Variants in ADAMTSL1 observed in about 807,000 individuals in gnomAD.
The protein encoded by ADAMTSL1 is ADAMTS like 1.
In ADAMTSL1, 126 loss-of-function variants were observed where a neutral mutation model predicts 201.8. That is an observed-to-expected ratio of 0.62 (90% CI 0.54 to 0.72). The LOEUF is 0.72. Among genes scored for constraint, ADAMTSL1 ranks in the 30% least tolerant of loss-of-function variants. The pLI, the probability that ADAMTSL1 is intolerant of heterozygous loss-of-function variation, is 0.00. For missense variants in ADAMTSL1, 2,679 were observed against 2,277.8 expected (o/e 1.18, Z -3.59); for synonymous variants, 1,121 against 903.4 (o/e 1.24, Z -4.32).
chr9:18,199,802 A>G (rs925748289), intron 2 of ADAMTSL1, among the ~76,000 whole-genome samples: 1 of 152,110 alleles, frequency 6.6e-6, no homozygotes, highest in Non-Finnish European at 1.5e-5. Context: ...CATTATTGGT[A>G]AAATGTGTGT....
intron 1 of ADAMTSL1, among the ~76,000 whole-genome samples, chr9:18,027,083 T>C (rs1434476428): frequency 6.6e-6 from 1 of 151,818 alleles, no homozygotes; most frequent in Non-Finnish European, 1.5e-5. Context: ...ATTGTGCTAT[T>C]TAGGTCTTCT....
chr9:18,051,849 A>C (rs1458890224), intron 1 of ADAMTSL1, among the ~76,000 whole-genome samples: 2 of 152,210 alleles, frequency 1.3e-5, no homozygotes, highest in South Asian at 4.1e-4. Context: ...GACAAAAAAA[A>C]GTAGGTGACC....
At chr9:18,364,597 T>C (rs1386807255) in intron 2 of ADAMTSL1, among the ~76,000 whole-genome samples, 1 of 152,092 alleles carries the variant, frequency 6.6e-6, no homozygotes, top group Non-Finnish European at 1.5e-5. Context: ...CCTCACAGAA[T>C]ATTGGAATTA....
chr9:18,864,840 T>C (rs1342314805), intron 23 of ADAMTSL1, among the ~76,000 whole-genome samples: 1 of 152,234 alleles, frequency 6.6e-6, no homozygotes, highest in African/African-American at 2.4e-5. Flanking sequence ...CTGGAGGCCA[T>C]TGATTCTGTC....
chr9:18,608,180 G>A (rs1459080267), intron 4 of ADAMTSL1, among the ~76,000 whole-genome samples: 1 of 152,084 alleles, frequency 6.6e-6, no homozygotes, highest in African/African-American at 2.4e-5. Flanking sequence ...TACTTTTAAG[G>A]GGATTTGAAG....
At chr9:17,920,573 C>A (rs559350147) in intron 1 of ADAMTSL1, among the ~76,000 whole-genome samples, 1 of 152,130 alleles carries the variant, frequency 6.6e-6, no homozygotes. Context: ...GGCATCACCG[C>A]GTTCTCTTTT....
chr9:18,318,576 C>A (rs181754392), intron 2 of ADAMTSL1, among the ~76,000 whole-genome samples: 118 of 152,308 alleles, frequency 7.7e-4, no homozygotes, highest in Non-Finnish European at 1.1e-3. Context: ...CTAATTCTTT[C>A]TGAACCACTG....
chr9:18,556,926 T>G (rs1017347198), intron 3 of ADAMTSL1, among the ~76,000 whole-genome samples: 1 of 152,048 alleles, frequency 6.6e-6, no homozygotes, highest in Admixed American at 6.6e-5. Context: ...TGAAGCTTTT[T>G]GAGACCTGAA....
intron 13 of ADAMTSL1, among the ~76,000 whole-genome samples, chr9:18,690,747 A>G (rs962069797): frequency 6.6e-6 from 1 of 152,148 alleles, no homozygotes; most frequent in Non-Finnish European, 1.5e-5. Context: ...TTCCCCTCCA[A>G]TAGTCTTGAC....
intron 23 of ADAMTSL1, among the ~76,000 whole-genome samples, chr9:18,833,776 T>C (rs542442475): frequency 5.9e-5 from 9 of 152,340 alleles, no homozygotes; most frequent in Admixed American, 2.0e-4. Context: ...GCCTATGTTC[T>C]GAATGGCAAT....
chr9:18,629,506 T>G (rs1267090110), intron 5 of ADAMTSL1, among the ~76,000 whole-genome samples: 2 of 152,200 alleles, frequency 1.3e-5, no homozygotes, highest in African/African-American at 2.4e-5. Flanking sequence ...CAAAGTCCTG[T>G]GGTTTTTCTT....
At chr9:18,474,763 G>A (rs1421722277) in intron 1 of ADAMTSL1, among the ~76,000 whole-genome samples, 2 of 152,130 alleles carry the variant, frequency 1.3e-5, no homozygotes, top group African/African-American at 2.4e-5. Context: ...CAGGTAAAGA[G>A]GGGAATGAGA....
chr9:18,777,074 G>A lies in ADAMTSL1; in HGVS notation c.2845G>A (p.Ala949Thr), dbSNP rs1427913983. The change falls in exon 19 of 29, where the codon GCG (alanine) becomes ACG (threonine). Residue 949 changes from alanine to threonine, a missense_variant. Ala to Thr is a moderately conservative substitution (Grantham distance 58). Transcript: ENST00000380548. ...PSDAGVYTCS[A>T]GPAREHFVIK... ...GGATGCAGGCGTCTACACCTGCTCAGCGGGCCCGGCCCGGGAGCACTTTGT... is the reference window on the plus strand; with the variant it reads ...GGATGCAGGCGTCTACACCTGCTCAACGGGCCCGGCCCGGGAGCACTTTGT... 1 of 1,613,302 alleles carries A rather than the reference G, an allele frequency of 6.2e-7. No homozygotes were observed. Among genetic ancestry groups the A allele is most frequent in the Non-Finnish European group, 8.5e-7 (1 of 1,179,804 alleles).
chr9:18,844,211 T>G (rs996885760), intron 23 of ADAMTSL1, among the ~76,000 whole-genome samples: 4 of 152,206 alleles, frequency 2.6e-5, no homozygotes, highest in African/African-American at 9.7e-5. Flanking sequence ...AGATGGGTTT[T>G]TGGTGTGGAT....
At chr9:18,565,429 A>G (rs1442081746) in intron 3 of ADAMTSL1, among the ~76,000 whole-genome samples, 1 of 152,206 alleles carries the variant, frequency 6.6e-6, no homozygotes, top group Non-Finnish European at 1.5e-5. Flanking sequence ...TTATTTTCCA[A>G]AAGACTTGAG....
chr9:18,586,256 T>C (rs1564070092), intron 4 of ADAMTSL1, among the ~76,000 whole-genome samples: 1 of 152,146 alleles, frequency 6.6e-6, no homozygotes, highest in Admixed American at 6.6e-5. Context: ...GGATATAAAA[T>C]CATTGTACAA....
At chr9:18,171,330 T>C (rs1039887580) in intron 2 of ADAMTSL1, among the ~76,000 whole-genome samples, 5 of 152,076 alleles carry the variant, frequency 3.3e-5, no homozygotes, top group African/African-American at 4.8e-5. Context: ...GTGAAAAGCA[T>C]GACCTTAAAA....
rs374811850 is a variant in ADAMTSL1, at chr9:17,947,345, A to ACCCC, written c.87+40424_87+40427dup. 1.7e-3 allele frequency among the ~76,000 whole-genome samples: 253 copies of ACCCC among 147,106 alleles called. 1 individual carries two copies. The highest frequency in any genetic ancestry group is 2.3e-3 in the Non-Finnish European group (151 of 66,860). ...CACACACACACACACACACACACAC[A>ACCCC]CCCCACTATGCACTTGATAATTTTG... On this transcript the variant is annotated intron_variant, in intron 1 of 29. Coordinates refer to the ADAMTSL1 transcript ENST00000680146.
chr9:17,967,462 C>G (rs1265865447), intron 1 of ADAMTSL1, among the ~76,000 whole-genome samples: 1 of 152,128 alleles, frequency 6.6e-6, no homozygotes. Flanking sequence ...TACCAGCTAA[C>G]ATTCATTGAG....
Sources: allele counts gnomAD v4.1 joint callset (sites outside exome capture counted in the v4.1 genomes callset), GRCh38; gene constraint gnomAD v4.1.1; transcripts MANE v1.5; gene names NCBI Gene and HGNC (gene_info 2026-07-23, HGNC 2026-07-21).